OCEL1: variants seen among roughly 807,000 people sequenced by gnomAD.
OCEL1 encodes the protein occludin/ELL domain-containing protein 1.
In OCEL1, 24 loss-of-function variants were observed where a neutral mutation model predicts 29.4. The observed-to-expected ratio is 0.82, with a 90% CI of 0.59 to 1.15. The LOEUF is 1.15. Ranked by LOEUF, OCEL1 falls within the 50% of genes most tolerant of loss-of-function variation. The pLI, the probability that OCEL1 is intolerant of heterozygous loss-of-function variation, is 0.00. For missense variants in OCEL1, 402 were observed against 352.5 expected (o/e 1.14, Z -1.13); for synonymous variants, 172 against 145.3 (o/e 1.18, Z -1.32).
intron 3 of OCEL1, 87 bp downstream of exon 3, chr19:17,227,286 C>A: frequency 8.0e-7 from 1 of 1,251,070 alleles, no homozygotes; most frequent in Non-Finnish European, 1.1e-6. Context: ...AAGAGTTTAC[C>A]AAAGAGTAGA....
Position 17,226,972 on chromosome 19 carries a change from C to T in OCEL1, c.247-22C>T, listed in dbSNP as rs768655346. 1.6e-5 allele frequency: 25 copies of T among 1,562,948 alleles called. No individual in the cohort carries two copies. In the South Asian group the frequency reaches 2.9e-4, roughly 18 times the overall value. The stretch of plus-strand genomic sequence containing the variant: ...GTTTCCCGACACCCCGATTTAACTC[C>T]AGACCACGATTCCTGTGGCAGCTGC... On this transcript the variant is annotated intron_variant, in intron 2 of 5. Transcript: ENST00000215061.
Position 17,229,140 on chromosome 19 carries a change from G to C in OCEL1, c.*215G>C. The C allele has an allele frequency of 2.2e-6, 1 of 448,800 alleles. No individual in the cohort carries two copies. Among genetic ancestry groups the C allele is most frequent in the Admixed American group, 3.5e-5 (1 of 28,662 alleles). The allele number at this position is 448,800 out of a possible 1,614,324, so 27.8% of individuals were successfully genotyped here. On this transcript the variant is annotated 3_prime_UTR_variant, in exon 6 of 6. Transcript: ENST00000215061. ...TGGGTCCTCTAGCTCTGACCCTACAGGGACTCCAGATCTCAACCTGTTCCC... is the reference window on the plus strand; with the variant it reads ...TGGGTCCTCTAGCTCTGACCCTACACGGACTCCAGATCTCAACCTGTTCCC...
chr19:17,226,773 C>G lies in OCEL1; in HGVS notation c.150C>G (p.Ser50Arg). The G allele has an allele frequency of 1.3e-6, 2 of 1,593,736 alleles. No homozygotes were observed. The highest frequency in any genetic ancestry group is 1.7e-6 in the Non-Finnish European group (2 of 1,173,774). ...GCCCATCAGCCCGGAAACCCCTGAG[C>G]TGCTTCTCCCGGAGGCCGATGCCCA... ...RTRPSARKPL[S>R]CFSRRPMPTR... Residue 50 changes from serine (S) to arginine (R), a missense_variant, in exon 2 of 6, where the codon AGC (serine) becomes AGG (arginine). Ser to Arg is a moderately radical substitution (Grantham distance 110). Transcript: ENST00000215061.
intron 3 of OCEL1, among the ~76,000 whole-genome samples, chr19:17,227,412 G>C (rs2082016): frequency 0.17 from 26,512 of 151,766 alleles, 2,811 homozygotes; most frequent in African/African-American, 0.28. Context: ...ATAAATAGGC[G>C]AGGCGCGGTG....
In OCEL1 at chr19:17,227,872, G is replaced by A. The variant is rs201387551; in HGVS notation, c.485G>A (p.Arg162Gln). The A allele has an allele frequency of 1.4e-5, 23 of 1,613,894 alleles. No homozygotes were observed. Among genetic ancestry groups the A allele is most frequent in the East Asian group, 2.2e-5 (1 of 44,884 alleles). The change falls in exon 4 of 6, where the codon CGG (arginine) becomes CAG (glutamine). Residue 162 changes from arginine (R) to glutamine (Q), a missense_variant. By Grantham distance (43) the Arg-to-Gln change is conservative. Coordinates refer to ENST00000215061, the MANE Select transcript of OCEL1 (RefSeq NM_024578.3). ...KYPPVSSERE[R>Q]SRYVAVFQDQ... Reference sequence around the variant, plus strand: ...CCGCCAGTGAGCAGTGAGAGGGAACGGAGCCGCTATGTCGCAGTGTTCCAG... The same window carrying A: ...CCGCCAGTGAGCAGTGAGAGGGAACAGAGCCGCTATGTCGCAGTGTTCCAG...
At chr19:17,226,510 C>T in intron 1 of OCEL1, 183 bp from the exon 2 acceptor site, 1 of 889,150 alleles carries the variant, frequency 1.1e-6, no homozygotes. Context: ...ATTTGGGTTG[C>T]GCAGTCGTGG....
chr19:17,226,564 C>T, intron 1 of OCEL1, 129 bp from the exon 2 acceptor site: 1 of 1,086,418 alleles, frequency 9.2e-7, no homozygotes. Context: ...TGCGTCTATG[C>T]AAATAGCGGT....
At chr19:17,226,637 G>C (rs1330579280) in intron 1 of OCEL1, 56 bp from the exon 2 acceptor site, 5 of 1,413,550 alleles carry the variant, frequency 3.5e-6, no homozygotes, top group South Asian at 1.5e-5. Context: ...AGCTGCCCGC[G>C]CGTCCTTTCT....
Position 17,227,035 on chromosome 19 carries a change from C to T in OCEL1, c.288C>T (p.Pro96=). 1.2e-6 allele frequency: 2 copies of T among 1,604,636 alleles called. No individual in the cohort carries two copies. The highest frequency in any genetic ancestry group is 1.7e-6 in the Non-Finnish European group (2 of 1,177,816). Residue 96 remains proline, a synonymous_variant, in exon 3 of 6, where the codon CCC becomes CCT. Transcript: ENST00000215061. ...CCCGAGGCCTCAAAACCAGCGCCCC[C>T]CGCCCTCCGTGCCAGCCCCAGCCGG... The part of the protein sequence containing the change: ...LAPRGLKTSA[P]RPPCQPQPGP...
At chr19:17,226,422 A>G (rs2073359844) in intron 1 of OCEL1, 106 bp downstream of exon 1, 17 of 1,316,388 alleles carry the variant, frequency 1.3e-5, no homozygotes, top group Non-Finnish European at 1.7e-5. Context: ...CTGGAGGTCG[A>G]GGCTCCGGCA....
At position 17,226,770 on chromosome 19, in the gene OCEL1, G is replaced by A; in HGVS notation, c.147G>A (p.Leu49=). 6.3e-7 allele frequency: 1 copy of A among 1,593,212 alleles called. No homozygotes were observed. The highest frequency in any genetic ancestry group is 1.4e-5 in the African/African-American group (1 of 73,670). Residue 49 remains leucine, a synonymous_variant, in exon 2 of 6, where the codon CTG becomes CTA. Coordinates refer to ENST00000215061, the MANE Select transcript of OCEL1 (RefSeq NM_024578.3). ...RRTRPSARKP[L]SCFSRRPMPT... ...CCCGCCCATCAGCCCGGAAACCCCT[G>A]AGCTGCTTCTCCCGGAGGCCGATGC...
intron 5 of OCEL1, chr19:17,228,531 G>C: frequency 1.6e-6 from 1 of 610,654 alleles, no homozygotes; most frequent in South Asian, 2.1e-5. Flanking sequence ...CCACCACCGT[G>C]CCTGGCAAAT....
rs372722506 is a variant in OCEL1 at position 17,228,913 on chromosome 19, C to T, written c.783C>T (p.Ser261=). ...KFDDQGDSEG[S]VYF ...ATGACCAAGGAGACAGCGAGGGCTCCGTGTACTTCTAAGTGCCCCTGCAGA... is the reference window on the plus strand; with the variant it reads ...ATGACCAAGGAGACAGCGAGGGCTCTGTGTACTTCTAAGTGCCCCTGCAGA... Residue 261 remains serine, a synonymous_variant, in exon 6 of 6, where the codon TCC becomes TCT. Coordinates refer to ENST00000215061, the MANE Select transcript of OCEL1 (RefSeq NM_024578.3). 22 of 1,612,692 alleles carry T rather than the reference C, an allele frequency of 1.4e-5. No homozygotes were observed. Among genetic ancestry groups the T allele is most frequent in the Admixed American group, 6.7e-5 (4 of 59,970 alleles).
At chr19:17,227,690 C>A in intron 3 of OCEL1, 150 bp from the exon 4 acceptor site, 1 of 762,148 alleles carries the variant, frequency 1.3e-6, no homozygotes, top group African/African-American at 1.8e-5. Context: ...GACTCTATCT[C>A]AAAAAATAAT....
At chr19:17,228,159 C>A in intron 4 of OCEL1, 97 bp from the exon 5 acceptor site, 1 of 1,533,410 alleles carries the variant, frequency 6.5e-7, no homozygotes, top group Non-Finnish European at 9.0e-7. Flanking sequence ...CTTGAAGTCC[C>A]CACTAGATGG....
chr19:17,229,014 C>T lies in OCEL1; in HGVS notation c.*89C>T, dbSNP rs1401311262. ...CTCAGCTTTTCCTCTTGCAGCTCCC[C>T]CTACCAGGGGTCGCTTTCTCCTGGA... On this transcript the variant is annotated 3_prime_UTR_variant, in exon 6 of 6. Transcript: ENST00000215061. 6.7e-7 allele frequency: 1 copy of T among 1,482,418 alleles called. No homozygotes were observed. Among genetic ancestry groups the T allele is most frequent in the Non-Finnish European group, 9.1e-7 (1 of 1,099,990 alleles). The allele number at this position is 1,482,418 out of a possible 1,614,324, so 91.8% of individuals were successfully genotyped here.
chr19:17,227,247 C>T (rs751743796), intron 3 of OCEL1, 48 bp downstream of exon 3: 1 of 1,423,202 alleles, frequency 7.0e-7, no homozygotes. Context: ...AGGAGAGGGG[C>T]ACTGAGGCTG....
Position 17,227,038 on chromosome 19 carries a change from C to T in OCEL1, c.291C>T (p.Arg97=). The T allele has an allele frequency of 2.5e-6, 4 of 1,605,312 alleles. No individual in the cohort carries two copies. Among genetic ancestry groups the T allele is most frequent in the South Asian group, 2.2e-5 (2 of 89,976 alleles). Residue 97 remains arginine, a synonymous_variant, in exon 3 of 6, where the codon CGC becomes CGT. Coordinates refer to ENST00000215061, the MANE Select transcript of OCEL1 (RefSeq NM_024578.3). Reference sequence around the variant, plus strand: ...GAGGCCTCAAAACCAGCGCCCCCCGCCCTCCGTGCCAGCCCCAGCCGGGAC... The same window carrying T: ...GAGGCCTCAAAACCAGCGCCCCCCGTCCTCCGTGCCAGCCCCAGCCGGGAC... ...APRGLKTSAP[R]PPCQPQPGPH...
chr19:17,226,252 A>G lies in OCEL1; in HGVS notation c.5A>G (p.His2Arg). Residue 2 changes from histidine (H) to arginine (R), a missense_variant, in exon 1 of 6, where the codon CAC (histidine) becomes CGC (arginine). Coordinates refer to ENST00000215061, the MANE Select transcript of OCEL1 (RefSeq NM_024578.3). MHNPDGSASPTA... is the reference protein window; with the variant it reads MRNPDGSASPTA... Reference sequence around the variant, plus strand: ...GTCGGGTCCATCCTGCAGTAAATGCACAACCCGGACGGAAGTGCCTCTCCG... The same window carrying G: ...GTCGGGTCCATCCTGCAGTAAATGCGCAACCCGGACGGAAGTGCCTCTCCG... The G allele has an allele frequency of 1.2e-6, 2 of 1,610,254 alleles. No homozygotes were observed. The highest frequency in any genetic ancestry group is 1.7e-6 in the Non-Finnish European group (2 of 1,178,848).
Sources: allele counts gnomAD v4.1 joint callset (sites outside exome capture counted in the v4.1 genomes callset), GRCh38; gene constraint gnomAD v4.1.1; transcripts MANE v1.5; gene names NCBI Gene and HGNC (gene_info 2026-07-23, HGNC 2026-07-21).